EN2: variants seen among roughly 807,000 people sequenced by gnomAD.
EN2 encodes the protein engrailed homeobox 2.
A neutral mutation model predicts 25.0 loss-of-function variants in EN2; 7 were observed. The ratio of observed to expected loss-of-function variants is 0.28; its 90% CI spans 0.16 to 0.53. The LOEUF is 0.53. EN2 is among the 20% of genes least tolerant of loss of function. EN2 has a pLI of 0.96. For missense variants in EN2, 524 were observed against 501.8 expected (o/e 1.04, Z -0.42); for synonymous variants, 277 against 243.3 (o/e 1.14, Z -1.29).
chr7:155,461,160 C>T (rs926737430), intron 1 of EN2, among the ~76,000 whole-genome samples: 1 of 152,200 alleles, frequency 6.6e-6, no homozygotes, highest in African/African-American at 2.4e-5. Context: ...CGGCAGCTCT[C>T]CGGCCCTGAA....
Position 155,458,285 on chromosome 7 carries a change from G to GA in EN2, c.-93_-92insA. On this transcript the variant is annotated 5_prime_UTR_variant, in exon 1 of 2. Coordinates refer to ENST00000297375, the MANE Select transcript of EN2 (RefSeq NM_001427.4). ...CCCTCGGAAGACTCGGCGGGGTGGGGGCGCGGGGGTCTCCGTGTGCGCCGC... is the reference window on the plus strand; with the variant it reads ...CCCTCGGAAGACTCGGCGGGGTGGGGAGCGCGGGGGTCTCCGTGTGCGCCGC... 4 of 1,243,014 alleles carry GA rather than the reference G, an allele frequency of 3.2e-6. No homozygotes were observed. Among genetic ancestry groups the GA allele is most frequent in the Non-Finnish European group, 3.0e-6 (3 of 986,014 alleles). The allele number at this position is 1,243,014 out of a possible 1,614,324, so 77.0% of individuals were successfully genotyped here. A position where few individuals can be genotyped will look rare whatever the true frequency, so the allele number is the denominator to read the frequency against.
Position 155,459,071 on chromosome 7 carries a change from G to T in EN2, c.685+9G>T. The stretch of plus-strand genomic sequence containing the variant: ...GGACCGGCCTTCTTCAGGTGAGCCC[G>T]CGGGGACCACGCGTCCCGGCTCGCC... On this transcript the variant is annotated intron_variant, in intron 1 of 1. Transcript: ENST00000297375. 1 of 1,567,992 alleles carries T rather than the reference G, an allele frequency of 6.4e-7. No individual in the cohort carries two copies. Among genetic ancestry groups the T allele is most frequent in the Non-Finnish European group, 8.6e-7 (1 of 1,166,524 alleles).
Position 155,462,617 on chromosome 7 carries a change from T to C in EN2, c.932T>C (p.Val311Ala). 3 of 1,613,592 alleles carry C rather than the reference T, an allele frequency of 1.9e-6. No homozygotes were observed. The highest frequency in any genetic ancestry group is 2.5e-6 in the Non-Finnish European group (3 of 1,179,764). The part of the protein sequence containing the change: ...KATGNKNTLA[V>A]HLMAQGLYNH... ...ACGGGCAACAAGAACACGCTGGCCG[T>C]GCACCTCATGGCACAGGGCTTGTAC... is the stretch of plus-strand genomic sequence containing the variant. The change falls in exon 2 of 2, where the codon GTG becomes GCG. Residue 311 changes from valine to alanine, a missense_variant. Physicochemically the swap from Val to Ala is moderately conservative, Grantham distance 64 (BLOSUM62 0). Coordinates refer to ENST00000297375, the MANE Select transcript of EN2 (RefSeq NM_001427.4).
At chr7:155,459,665 A>T (rs1389218845) in intron 1 of EN2, among the ~76,000 whole-genome samples, 1 of 152,244 alleles carries the variant, frequency 6.6e-6, no homozygotes, top group Non-Finnish European at 1.5e-5. Flanking sequence ...GGGAAGGAGG[A>T]AAATAAAGGC....
At position 155,462,944 on chromosome 7, in the gene EN2, AG is replaced by A. The variant is rs1013705140; in HGVS notation, c.*262del. 4 of 359,252 alleles carry A rather than the reference AG, an allele frequency of 1.1e-5. No homozygotes were observed. The highest frequency in any genetic ancestry group is 8.5e-5 in the African/African-American group (4 of 46,954). The allele number at this position is 359,252 out of a possible 1,614,324, so 22.3% of individuals were successfully genotyped here. A position where few individuals can be genotyped will look rare whatever the true frequency, so the allele number is the denominator to read the frequency against. Reference sequence around the variant, plus strand: ...TTATGGGTTTTTTTCTTTTTTGCGAAGGGGGCTGCTTAGGGTTTCACCTTTT... The same window carrying A: ...TTATGGGTTTTTTTCTTTTTTGCGAAGGGGCTGCTTAGGGTTTCACCTTTT... On this transcript the variant is annotated 3_prime_UTR_variant, in exon 2 of 2. Coordinates refer to ENST00000297375, the MANE Select transcript of EN2 (RefSeq NM_001427.4).
At chr7:155,462,222 C>A in intron 1 of EN2, 149 bp from the exon 2 acceptor site, 1 of 858,788 alleles carries the variant, frequency 1.2e-6, no homozygotes, top group Non-Finnish European at 1.8e-6. Context: ...ATGCCCAGTC[C>A]GAAGTCTAGC....
Position 155,462,959 on chromosome 7 carries a change from G to A in EN2, c.*272G>A, listed in dbSNP as rs1217173800. On this transcript the variant is annotated 3_prime_UTR_variant, in exon 2 of 2. Transcript: ENST00000297375. ...TTTTTTGCGAAGGGGGCTGCTTAGG[G>A]TTTCACCTTTTTTTAATCCCCTAAG... The A allele has an allele frequency of 3.2e-6, 1 of 311,952 alleles. No homozygotes were observed. The highest frequency in any genetic ancestry group is 9.0e-5 in the South Asian group (1 of 11,086). 19.3% of individuals were successfully genotyped at this position (311,952 alleles called of 1,614,324 possible). A position where few individuals can be genotyped will look rare whatever the true frequency, so the allele number is the denominator to read the frequency against.
rs1463988892 is a variant in EN2, at chr7:155,463,396, ACT to A, written c.*711_*712del. On this transcript the variant is annotated 3_prime_UTR_variant, in exon 2 of 2. Coordinates refer to ENST00000297375, the MANE Select transcript of EN2 (RefSeq NM_001427.4). ...CCCTCTCCTCACCCTCCTGCACCTA[ACT>A]CCCTCCTCCTTCTCCTTTTTCCTCC... The A allele has an allele frequency of 1.3e-5, 2 of 150,564 alleles. No homozygotes were observed. The highest frequency in any genetic ancestry group is 3.9e-4 in the East Asian group (2 of 5,134). 9.3% of individuals were successfully genotyped at this position (150,564 alleles called of 1,614,324 possible).
rs992170679 is a variant in EN2 at position 155,462,719 on chromosome 7, G to C, written c.*32G>C. The stretch of plus-strand genomic sequence containing the variant: ...GGGCATGGAGGCCAGGTCTCAGTCC[G>C]CGCTAAACAATGCAATAATTTAAAA... On this transcript the variant is annotated 3_prime_UTR_variant, in exon 2 of 2. Transcript: ENST00000297375. 3 of 1,532,076 alleles carry C rather than the reference G, an allele frequency of 2.0e-6. No individual in the cohort carries two copies. Among genetic ancestry groups the C allele is most frequent in the African/African-American group, 2.8e-5 (2 of 72,356 alleles). The allele number at this position is 1,532,076 out of a possible 1,614,324, so 94.9% of individuals were successfully genotyped here.
At position 155,462,693 on chromosome 7, in the gene EN2, G is replaced by T; in HGVS notation, c.*6G>T. On this transcript the variant is annotated 3_prime_UTR_variant, in exon 2 of 2. Coordinates refer to ENST00000297375, the MANE Select transcript of EN2 (RefSeq NM_001427.4). ...GCAAGTCGGACAGCGAGTAGGGCGG[G>T]GGGCATGGAGGCCAGGTCTCAGTCC... The T allele has an allele frequency of 1.3e-6, 2 of 1,562,790 alleles. No homozygotes were observed. The highest frequency in any genetic ancestry group is 1.7e-6 in the Non-Finnish European group (2 of 1,151,944).
rs1054194814 is a variant in EN2 at position 155,462,115 on chromosome 7, C to G, written c.686-256C>G. Among the ~76,000 whole-genome samples the G allele has an allele frequency of 3.3e-5, 5 of 152,236 alleles. 1 individual carries two copies. The highest frequency in any genetic ancestry group is 2.0e-4 in the Admixed American group (3 of 15,288). ...GTTTTACTTTTATCTAGAGACCCCTCATTTGTGGTCAGCCTGCCCACTAGG... is the reference window on the plus strand; with the variant it reads ...GTTTTACTTTTATCTAGAGACCCCTGATTTGTGGTCAGCCTGCCCACTAGG... On this transcript the variant is annotated intron_variant, in intron 1 of 1. Transcript: ENST00000297375.
rs765844388 is a variant in EN2, at chr7:155,458,983, C to T, written c.606C>T (p.Ala202=). The part of the protein sequence containing the change: ...SVSSDSDSSQ[A]GANLGAQPML... ...GCTCGGACTCGGACAGCTCGCAAGCCGGCGCCAACCTGGGCGCGCAGCCCA... is the reference window on the plus strand; with the variant it reads ...GCTCGGACTCGGACAGCTCGCAAGCTGGCGCCAACCTGGGCGCGCAGCCCA... The change falls in exon 1 of 2, where the codon GCC becomes GCT. Residue 202 remains alanine, a synonymous_variant. Coordinates refer to ENST00000297375, the MANE Select transcript of EN2 (RefSeq NM_001427.4). The T allele has an allele frequency of 1.3e-6, 2 of 1,552,090 alleles. No homozygotes were observed. Among genetic ancestry groups the T allele is most frequent in the Admixed American group, 1.8e-5 (1 of 54,094 alleles).
intron 1 of EN2, among the ~76,000 whole-genome samples, chr7:155,459,772 C>T (rs1296487068): frequency 6.6e-6 from 1 of 152,236 alleles, no homozygotes; most frequent in African/African-American, 2.4e-5. Flanking sequence ...GGGAGGCAGC[C>T]GTCCCTCCCG....
chr7:155,458,300 G>A lies in EN2; in HGVS notation c.-78G>A. 1.6e-6 allele frequency: 2 copies of A among 1,247,594 alleles called. No individual in the cohort carries two copies. The highest frequency in any genetic ancestry group is 2.0e-6 in the Non-Finnish European group (2 of 989,172). The allele number at this position is 1,247,594 out of a possible 1,614,324, so 77.3% of individuals were successfully genotyped here. On this transcript the variant is annotated 5_prime_UTR_variant, in exon 1 of 2. In the 5' UTR this introduces an upstream ATG that the reference lacks. Coordinates refer to ENST00000297375, the MANE Select transcript of EN2 (RefSeq NM_001427.4). ...GCGGGGTGGGGGCGCGGGGGTCTCC[G>A]TGTGCGCCGCGGGAGGGCCGAAGGC...
At chr7:155,460,313 CGCCCGGCCCGGCCTG>C (rs982640087) in intron 1 of EN2, among the ~76,000 whole-genome samples, 10 of 152,164 alleles carry the variant, frequency 6.6e-5, no homozygotes, top group African/African-American at 2.4e-4. Context: ...TGGGCAGCAC[CGCCCGGCCCGGCCTG>C]GCCCGGCCCA....
Position 155,464,518 on chromosome 7 carries a change from G to A in EN2, c.*1831G>A, listed in dbSNP as rs1399352700. ...AGTGTAAACCTTTTTAAAAAGGAAA[G>A]TATAAAAACAAAAGTTGTAATTTAA... On this transcript the variant is annotated 3_prime_UTR_variant, in exon 2 of 2. Transcript: ENST00000297375. The A allele has an allele frequency of 6.6e-6, 1 of 152,636 alleles. No homozygotes were observed. Among genetic ancestry groups the A allele is most frequent in the African/African-American group, 2.4e-5 (1 of 41,460 alleles). The allele number at this position is 152,636 out of a possible 1,614,324, so 9.5% of individuals were successfully genotyped here. A position where few individuals can be genotyped will look rare whatever the true frequency, so the allele number is the denominator to read the frequency against.
chr7:155,460,640 A>G (rs550302120), intron 1 of EN2, among the ~76,000 whole-genome samples: 1 of 152,224 alleles, frequency 6.6e-6, no homozygotes, highest in African/African-American at 2.4e-5. Flanking sequence ...TGGGGAAGGG[A>G]GTGGTTGGAA....
rs899360915 is a variant in EN2, at chr7:155,459,071, G to A, written c.685+9G>A. 5 of 1,567,992 alleles carry A rather than the reference G, an allele frequency of 3.2e-6. No homozygotes were observed. Among genetic ancestry groups the A allele is most frequent in the Non-Finnish European group, 3.4e-6 (4 of 1,166,524 alleles). ...GGACCGGCCTTCTTCAGGTGAGCCC[G>A]CGGGGACCACGCGTCCCGGCTCGCC... On this transcript the variant is annotated intron_variant, in intron 1 of 1. Transcript: ENST00000297375.
chr7:155,462,853 A>T lies in EN2; in HGVS notation c.*166A>T. On this transcript the variant is annotated 3_prime_UTR_variant, in exon 2 of 2. Coordinates refer to ENST00000297375, the MANE Select transcript of EN2 (RefSeq NM_001427.4). ...GTATATATCATTTACAGGTGGTATAAAATCCAAAATATCTGACTATAAAAT... is the reference window on the plus strand; with the variant it reads ...GTATATATCATTTACAGGTGGTATATAATCCAAAATATCTGACTATAAAAT... The T allele has an allele frequency of 1.3e-6, 1 of 788,526 alleles. No individual in the cohort carries two copies. Among genetic ancestry groups the T allele is most frequent in the Non-Finnish European group, 1.8e-6 (1 of 552,584 alleles). The allele number at this position is 788,526 out of a possible 1,614,324, so 48.8% of individuals were successfully genotyped here.
Sources: gnomAD v4.1 joint callset for allele counts (sites outside exome capture counted in the v4.1 genomes callset) on GRCh38, gnomAD v4.1.1 for gene constraint, MANE v1.5 for transcripts, NCBI Gene and HGNC (gene_info 2026-07-23, HGNC 2026-07-21) for gene names.